Variants in PTRH1 observed in about 807,000 individuals in gnomAD.
PTRH1 encodes peptidyl-tRNA hydrolase 1 homolog.
A neutral mutation model predicts 15.7 loss-of-function variants in PTRH1; 13 were observed. The observed-to-expected ratio is 0.83, with a 90% CI of 0.54 to 1.31. The LOEUF is 1.31. Ranked by LOEUF, PTRH1 falls within the 40% of genes most tolerant of loss-of-function variation. The pLI is 0.00. For synonymous variants in PTRH1, 139 were observed against 136.7 expected (o/e 1.02, Z -0.12); for missense variants, 319 against 296.2 (o/e 1.08, Z -0.56).
Position 127,705,707 on chromosome 9 carries a change from C to A in PTRH1, c.205+9728G>T, listed in dbSNP as rs979091094. Among the ~76,000 whole-genome samples the A allele has an allele frequency of 1.3e-5, 2 of 152,188 alleles. No individual in the cohort carries two copies. The highest frequency in any genetic ancestry group is 2.9e-5 in the Non-Finnish European group (2 of 68,034). Reference sequence around the variant, plus strand: ...GCTCCTGTGGGAGCAGCTGTTCAGGCGGGGGAGGGGGCAATGTCCAGCAGG... The same window carrying A: ...GCTCCTGTGGGAGCAGCTGTTCAGGAGGGGGAGGGGGCAATGTCCAGCAGG... On this transcript the variant is annotated intron_variant, in intron 1 of 2. Coordinates refer to the PTRH1 transcript ENST00000335223. The surrounding 1 kb of genome is among the most constrained non-coding windows in gnomAD (Gnocchi z 4.7).
At position 127,707,014 on chromosome 9, in the gene PTRH1, C is replaced by T. The variant is rs188470854; in HGVS notation, c.205+8421G>A. On this transcript the variant is annotated intron_variant, in intron 1 of 2. Transcript: ENST00000335223. Reference sequence around the variant, plus strand: ...CCTGGCCTCTTCCTGGGGCCTGGAGCCCTGGTTGCCATCAGCCATGGCTCC... The same window carrying T: ...CCTGGCCTCTTCCTGGGGCCTGGAGTCCTGGTTGCCATCAGCCATGGCTCC... The T allele has an allele frequency of 1.6e-4, 259 of 1,612,760 alleles. No individual in the cohort carries two copies. The African/African-American group carries it at 3.2e-3, about 20-fold the overall frequency.
Position 127,714,755 on chromosome 9 carries a change from A to G in PTRH1, c.317-53T>C, listed in dbSNP as rs553112968. ...TTACTGCCCATCTGCCCAGAGAGGC[A>G]CTGTCCCGACTCCCATGATGAGGGA... is the stretch of plus-strand genomic sequence containing the variant. On this transcript the variant is annotated intron_variant, in intron 2 of 4. Coordinates refer to ENST00000543175, the MANE Select transcript of PTRH1 (RefSeq NM_001002913.3). The G allele has an allele frequency of 3.7e-5, 53 of 1,435,208 alleles. 2 individuals carry two copies. The South Asian group carries it at 6.2e-4, about 17-fold the overall frequency. The allele number at this position is 1,435,208 out of a possible 1,614,324, so 88.9% of individuals were successfully genotyped here.
At chr9:127,694,721 A>ACAGTGC (rs1842541327) in intron 2 of PTRH1, among the ~76,000 whole-genome samples, 1 of 152,124 alleles carries the variant, frequency 6.6e-6, no homozygotes, top group Admixed American at 6.5e-5. Flanking sequence ...CTGGAAAGGC[A>ACAGTGC]CAGTGCCTGG....
intron 1 of PTRH1, among the ~76,000 whole-genome samples, chr9:127,700,918 A>G (rs1212553643): frequency 1.3e-5 from 2 of 152,258 alleles, no homozygotes; most frequent in Non-Finnish European, 2.9e-5. Context: ...GCCAATTTAC[A>G]GAGCACTTGC....
chr9:127,715,582 A>C lies in PTRH1; in HGVS notation c.58T>G (p.Cys20Gly). The change falls in exon 1 of 5, where the codon TGT (cysteine) becomes GGT (glycine). Residue 20 changes from cysteine to glycine, a missense_variant. Physicochemically the swap from Cys to Gly is radical, Grantham distance 159 (BLOSUM62 -3). Transcript: ENST00000543175. This position sits in a 1 kb window ranked among gnomAD's most constrained non-coding sequence, Gnocchi z 5.8. ...GQRLSRAMSR[C>G]VLEPRPPGKR... ...CCCGGGGGGCGAGGCTCCAAAACAC[A>C]TCGGCTCATGGCTCTACTCAGCCGC... 1.2e-6 allele frequency: 2 copies of C among 1,613,426 alleles called. No homozygotes were observed. The highest frequency in any genetic ancestry group is 1.7e-6 in the Non-Finnish European group (2 of 1,180,014).
At position 127,705,781 on chromosome 9, in the gene PTRH1, G is replaced by C. The variant is rs1156402041; in HGVS notation, c.205+9654C>G. Among the ~76,000 whole-genome samples the C allele has an allele frequency of 6.6e-6, 1 of 152,212 alleles. No homozygotes were observed. The highest frequency in any genetic ancestry group is 1.5e-5 in the Non-Finnish European group (1 of 68,020). On this transcript the variant is annotated intron_variant, in intron 1 of 2. Transcript: ENST00000335223. The surrounding 1 kb of genome is among the most constrained non-coding windows in gnomAD (Gnocchi z 4.7). Reference sequence around the variant, plus strand: ...GAAGGGCACTGGGCCAGGCCTCCCCGCTCTCCCCACAAGGCCTGGGCAGCC... The same window carrying C: ...GAAGGGCACTGGGCCAGGCCTCCCCCCTCTCCCCACAAGGCCTGGGCAGCC...
At position 127,713,847 on chromosome 9, in the gene PTRH1, G is replaced by A; in HGVS notation, c.*253C>T. The A allele has an allele frequency of 6.2e-7, 1 of 1,613,794 alleles. No individual in the cohort carries two copies. The highest frequency in any genetic ancestry group is 1.1e-5 in the South Asian group (1 of 91,074). On this transcript the variant is annotated 3_prime_UTR_variant, in exon 5 of 5. Coordinates refer to ENST00000543175, the MANE Select transcript of PTRH1 (RefSeq NM_001002913.3). Reference sequence around the variant, plus strand: ...TTAATCTTACAGATGCGTGCCCCTGGTTCTCTAAAAAGGCTTGAAAAGTTT... The same window carrying A: ...TTAATCTTACAGATGCGTGCCCCTGATTCTCTAAAAAGGCTTGAAAAGTTT...
chr9:127,705,960 C>T lies in PTRH1; in HGVS notation c.205+9475G>A, dbSNP rs1165447768. On this transcript the variant is annotated intron_variant, in intron 1 of 2. Coordinates refer to the PTRH1 transcript ENST00000335223. This position sits in a 1 kb window ranked among gnomAD's most constrained non-coding sequence, Gnocchi z 4.7. ...AGGGCAGACCACCACAGGCGAGGTC[C>T]AGGGCTGTCGGAAATTCCAGGCAGG... Among the ~76,000 whole-genome samples, 1 of 152,234 alleles carries T rather than the reference C, an allele frequency of 6.6e-6. No homozygotes were observed. The highest frequency in any genetic ancestry group is 1.5e-5 in the Non-Finnish European group (1 of 68,024).
intron 1 of PTRH1, among the ~76,000 whole-genome samples, chr9:127,699,615 C>A (rs1325451806): frequency 8.6e-5 from 13 of 152,036 alleles, no homozygotes; most frequent in Admixed American, 8.5e-4. Context: ...AAATTGGAAC[C>A]AGTGACACGC....
chr9:127,707,011 G>C, intron 1 of PTRH1: 1 of 1,612,690 alleles, frequency 6.2e-7, no homozygotes, highest in Non-Finnish European at 8.5e-7. Context: ...CTGGGGCCTG[G>C]AGCCCTGGTT....
chr9:127,699,125 G>A (rs527271395), intron 1 of PTRH1, among the ~76,000 whole-genome samples: 1 of 152,198 alleles, frequency 6.6e-6, no homozygotes, highest in South Asian at 2.1e-4. Context: ...CAAGTCATCC[G>A]CCAGCTTCCG....
At chr9:127,711,502 C>T, downstream of PTRH1, 1 of 1,611,850 alleles carries the variant, frequency 6.2e-7, no homozygotes, top group Middle Eastern at 1.7e-4. Context: ...AGAAGGTGTG[C>T]CTGCAGGCCT....
rs565841716 is a variant in PTRH1, at chr9:127,699,705, G to A, written c.206-4564C>T. 1.7e-4 allele frequency among the ~76,000 whole-genome samples: 26 copies of A among 150,868 alleles called. No homozygotes were observed. In the South Asian group the frequency reaches 5.2e-3, roughly 30 times the overall value. ...AGACTGTGCTGAGCAAAATAAAATG[G>A]GCTATCAGGGGAAAAAAAAAACAAA... On this transcript the variant is annotated intron_variant, in intron 1 of 2. Coordinates refer to the PTRH1 transcript ENST00000335223.
rs749581045 is a variant in PTRH1 at position 127,715,652 on chromosome 9, C to CCG, written c.-14_-13insCG. The CCG allele has an allele frequency of 2.1e-5, 33 of 1,609,210 alleles. No individual in the cohort carries two copies. Among genetic ancestry groups the CCG allele is most frequent in the Non-Finnish European group, 2.5e-5 (30 of 1,179,198 alleles). ...CGCCCGGCCTCATGCTGCCCCCATTCACTCCGACACCGCCCCCTGACGTCA... is the reference window on the plus strand; with the variant it reads ...CGCCCGGCCTCATGCTGCCCCCATTCCGACTCCGACACCGCCCCCTGACGTCA... On this transcript the variant is annotated 5_prime_UTR_variant, in exon 1 of 5. Coordinates refer to ENST00000543175, the MANE Select transcript of PTRH1 (RefSeq NM_001002913.3). This position sits in a 1 kb window ranked among gnomAD's most constrained non-coding sequence, Gnocchi z 5.8.
downstream of PTRH1, chr9:127,713,460 C>T (rs1216233765): frequency 4.2e-6 from 2 of 475,574 alleles, no homozygotes; most frequent in African/African-American, 2.0e-5. Context: ...AGTGGGATCC[C>T]CCTGAAGAGG....
chr9:127,707,053 A>AGCAAGGCAG, intron 1 of PTRH1: 1 of 1,613,950 alleles, frequency 6.2e-7, no homozygotes, highest in Non-Finnish European at 8.5e-7. Flanking sequence ...AAAGAGTGTG[A>AGCAAGGCAG]GCAAGGCAGG....
downstream of PTRH1, chr9:127,711,807 T>C (rs1405322316): frequency 6.4e-7 from 1 of 1,554,768 alleles, no homozygotes; most frequent in Middle Eastern, 1.7e-4. Context: ...TGGCCACCTG[T>C]CCGCACCCGC....
intron 1 of PTRH1, among the ~76,000 whole-genome samples, chr9:127,698,128 C>T (rs1166447754): frequency 6.6e-6 from 1 of 152,110 alleles, no homozygotes; most frequent in Non-Finnish European, 1.5e-5. Flanking sequence ...AGTTTGGTGG[C>T]GTGTGCCTGT....
At chr9:127,701,369 T>G (rs1078404) in intron 1 of PTRH1, among the ~76,000 whole-genome samples, 7 of 152,018 alleles carry the variant, frequency 4.6e-5, no homozygotes, top group Non-Finnish European at 5.9e-5. Flanking sequence ...CCAACACACA[T>G]GGGGCCACTC....
Sources: gnomAD v4.1 joint callset for allele counts (sites outside exome capture counted in the v4.1 genomes callset) on GRCh38, gnomAD v4.1.1 for gene constraint, Gnocchi (gnomAD v3.1) non-coding constraint, MANE v1.5 for transcripts, NCBI Gene and HGNC (gene_info 2026-07-23, HGNC 2026-07-21) for gene names.